Variants in USP45 observed in about 807,000 individuals in gnomAD.
USP45 encodes ubiquitin specific peptidase 45.
USP45 carries 89 observed loss-of-function variants against 95.8 expected under a neutral mutation model. That is an observed-to-expected ratio of 0.93 (90% CI 0.78 to 1.11). USP45 has a LOEUF of 1.11. USP45 is among the 50% of genes least tolerant of loss of function. The probability of loss-of-function intolerance (pLI) is 0.00; values close to 1 mark genes in which losing one functional copy is unlikely to be tolerated. For synonymous variants in USP45, 281 were observed against 316.2 expected (o/e 0.89, Z 1.18); for missense variants, 898 against 942.5 (o/e 0.95, Z 0.62).
At chr6:99,454,520 G>C (rs566800608) in intron 13 of USP45, among the ~76,000 whole-genome samples, 4 of 152,222 alleles carry the variant, frequency 2.6e-5, no homozygotes, top group African/African-American at 9.6e-5. Context: ...TGTTGAATGG[G>C]AGAAAATATC....
intron 15 of USP45, among the ~76,000 whole-genome samples, chr6:99,442,938 C>T (rs573120096): frequency 3.5e-4 from 54 of 152,156 alleles, no homozygotes; most frequent in African/African-American, 1.2e-3. Context: ...ATTGTATGGG[C>T]TGGGTGTGGT....
At chr6:99,508,527 T>C in intron 3 of USP45, 83 bp downstream of exon 3, 2 of 1,330,704 alleles carry the variant, frequency 1.5e-6, no homozygotes, top group Non-Finnish European at 2.0e-6. Context: ...TTAACTCCTA[T>C]GCATGACCAA....
intron 13 of USP45, chr6:99,461,858 T>C (rs778029254): frequency 4.1e-6 from 4 of 983,800 alleles, no homozygotes; most frequent in Non-Finnish European, 4.8e-6. Flanking sequence ...GCTTCACTAA[T>C]CAGCAAAACA....
chr6:99,509,353 CGTT>C (rs1479887602), intron 2 of USP45, among the ~76,000 whole-genome samples: 2 of 152,080 alleles, frequency 1.3e-5, no homozygotes, highest in Non-Finnish European at 2.9e-5. Context: ...AGGAAGCTGA[CGTT>C]GGTACAATCC....
chr6:99,494,500 T>C (rs948286764), intron 5 of USP45, among the ~76,000 whole-genome samples: 3 of 152,038 alleles, frequency 2.0e-5, no homozygotes, highest in Non-Finnish European at 2.9e-5. Context: ...ACAAAACAAC[T>C]TGTCTAAGAA....
At chr6:99,443,685 A>G in intron 14 of USP45, 23 bp from the exon 15 acceptor site, 1 of 1,425,026 alleles carries the variant, frequency 7.0e-7, no homozygotes, top group Non-Finnish European at 9.5e-7. Context: ...CAATAAATTT[A>G]TTTATAAAAT....
At chr6:99,480,358 T>C (rs1322858623) in intron 8 of USP45, among the ~76,000 whole-genome samples, 2 of 152,020 alleles carry the variant, frequency 1.3e-5, no homozygotes, top group African/African-American at 2.4e-5. Context: ...CAACTGACAA[T>C]CTGATTCTAT....
At chr6:99,476,265 G>T (rs780434057) in intron 8 of USP45, 35 bp from the exon 9 acceptor site, 12 of 1,578,496 alleles carry the variant, frequency 7.6e-6, no homozygotes, top group South Asian at 1.1e-5. Flanking sequence ...AAGAAAAAAA[G>T]AATAATCATT....
At chr6:99,462,737 T>C in intron 13 of USP45, 1 of 982,514 alleles carries the variant, frequency 1.0e-6, no homozygotes, top group Non-Finnish European at 1.2e-6. Flanking sequence ...TCCAGCACTT[T>C]GGGAGACCAA....
chr6:99,435,929 TACAAACTCTATC>T, intron 17 of USP45, 83 bp from the exon 18 acceptor site: 6 of 1,385,486 alleles, frequency 4.3e-6, no homozygotes, highest in Non-Finnish European at 3.9e-6. Flanking sequence ...ACATATTCAT[TACAAACTCTATC>T]TAATGCCAAA....
In USP45 at chr6:99,461,478, T is replaced by G. The variant is rs1786459484; in HGVS notation, c.1308+3126A>C. The G allele has an allele frequency of 4.1e-6, 4 of 985,324 alleles. No homozygotes were observed. The Admixed American group carries it at 2.5e-4, about 61-fold the overall frequency. The allele number at this position is 985,324 out of a possible 1,614,324, so 61.0% of individuals were successfully genotyped here. On this transcript the variant is annotated intron_variant, in intron 13 of 17. Transcript: ENST00000500704. The stretch of plus-strand genomic sequence containing the variant: ...TTTTTTCTGTATTTAGGCCAGAAAT[T>G]GCACACACTAGTTTTACAGTGCTTT...
At chr6:99,504,667 G>C (rs1029395616) in intron 4 of USP45, among the ~76,000 whole-genome samples, 1 of 152,144 alleles carries the variant, frequency 6.6e-6, no homozygotes, top group African/African-American at 2.4e-5. Context: ...AAGTGAGTGA[G>C]ACAATGTCAG....
rs537026557 is a variant in USP45, at chr6:99,461,383, T to C, written c.1308+3221A>G. The C allele has an allele frequency of 4.2e-5, 41 of 985,428 alleles. No individual in the cohort carries two copies. In the South Asian group the frequency reaches 1.7e-3, roughly 41 times the overall value. The allele number at this position is 985,428 out of a possible 1,614,324, so 61.0% of individuals were successfully genotyped here. A position where few individuals can be genotyped will look rare whatever the true frequency, so the allele number is the denominator to read the frequency against. ...TTGCAGCTCATTTTACCTTAGTTTT[T>C]GGTTCAAGAAGGATGTTTATATAGG... On this transcript the variant is annotated intron_variant, in intron 13 of 17. Coordinates refer to ENST00000500704, the MANE Select transcript of USP45 (RefSeq NM_001346022.3).
chr6:99,445,154 T>C (rs1782251645), intron 14 of USP45, among the ~76,000 whole-genome samples: 1 of 152,160 alleles, frequency 6.6e-6, no homozygotes, highest in South Asian at 2.1e-4. Flanking sequence ...GTGAAACACA[T>C]TAGCTTTATC....
intron 13 of USP45, among the ~76,000 whole-genome samples, chr6:99,450,622 C>A (rs1783639805): frequency 6.6e-6 from 1 of 152,176 alleles, no homozygotes; most frequent in South Asian, 2.1e-4. Context: ...GGAGCTGGTA[C>A]CATTCCTTCT....
chr6:99,511,080 C>T (rs1799672288), intron 1 of USP45, among the ~76,000 whole-genome samples: 1 of 152,070 alleles, frequency 6.6e-6, no homozygotes, highest in Admixed American at 6.5e-5. Context: ...GGGTTTTTCA[C>T]TCTAGCTTTT....
At chr6:99,494,468 C>CA (rs1795864043) in intron 5 of USP45, among the ~76,000 whole-genome samples, 1 of 151,730 alleles carries the variant, frequency 6.6e-6, no homozygotes, top group Admixed American at 6.6e-5. Flanking sequence ...ACCAGCAAAG[C>CA]AAAAACAAAA....
chr6:99,437,520 C>G (rs1484742155), intron 16 of USP45, 121 bp from the exon 17 acceptor site: 19 of 1,058,506 alleles, frequency 1.8e-5, no homozygotes. Context: ...GAGATACTTT[C>G]CATACTTACT....
chr6:99,448,979 T>C (rs563479652), intron 13 of USP45, among the ~76,000 whole-genome samples: 20 of 152,256 alleles, frequency 1.3e-4, no homozygotes, highest in South Asian at 2.1e-4. Context: ...TGCTGAGAGA[T>C]TGTGTCACCA....
Sources: allele counts gnomAD v4.1 joint callset (sites outside exome capture counted in the v4.1 genomes callset), GRCh38; gene constraint gnomAD v4.1.1; transcripts MANE v1.5; gene names NCBI Gene and HGNC (gene_info 2026-07-23, HGNC 2026-07-21).